GNAZ: variants seen among roughly 807,000 people sequenced by gnomAD.
GNAZ encodes the protein G protein subunit alpha z, also known as guanine nucleotide-binding protein G(z) subunit alpha.
In GNAZ, 3 loss-of-function variants were observed where a neutral mutation model predicts 25.4. That is an observed-to-expected ratio of 0.12 (90% CI 0.05 to 0.30). GNAZ has a LOEUF of 0.30. Among genes scored for constraint, GNAZ ranks in the 10% least tolerant of loss-of-function variants. The pLI is 1.00. For missense variants in GNAZ, 241 were observed against 501.8 expected (o/e 0.48, Z 4.97); for synonymous variants, 211 against 205.7 (o/e 1.03, Z -0.22).
intron 1 of GNAZ, among the ~76,000 whole-genome samples, chr22:23,075,919 G>A (rs1468707048): frequency 6.6e-6 from 1 of 152,082 alleles, no homozygotes; most frequent in Non-Finnish European, 1.5e-5. Flanking sequence ...TCCTTTGTGA[G>A]GTCTGCCCCT....
Position 23,093,526 on chromosome 22 carries a change from TGGA to T in GNAZ, c.-449-1711_-449-1709del, listed in dbSNP as rs1237335709. ...GTCACACATTAGCTGAGGGCTGCTA[TGGA>T]GGAGGAGGACAGAGGGCAAGGTGAC... On this transcript the variant is annotated intron_variant, in intron 1 of 2. Transcript: ENST00000615612. 2.0e-5 allele frequency among the ~76,000 whole-genome samples: 3 copies of T among 152,056 alleles called. No individual in the cohort carries two copies. The South Asian group carries it at 6.2e-4, about 32-fold the overall frequency.
intron 1 of GNAZ, among the ~76,000 whole-genome samples, chr22:23,080,365 C>T (rs1373029987): frequency 2.6e-5 from 4 of 151,976 alleles, no homozygotes; most frequent in African/African-American, 9.7e-5. Context: ...CTGTTCATCT[C>T]ATCTCCCCGG....
At chr22:23,122,863 AT>A (rs569845601) in intron 2 of GNAZ, among the ~76,000 whole-genome samples, 75 of 152,324 alleles carry the variant, frequency 4.9e-4, no homozygotes, top group African/African-American at 1.8e-3. Flanking sequence ...GCAAGAGAAC[AT>A]CTTCCAAGCA....
At position 23,123,622 on chromosome 22, in the gene GNAZ, T is replaced by G. The variant is rs1232537058; in HGVS notation, c.*191T>G. 2.5e-5 allele frequency: 15 copies of G among 595,296 alleles called. No homozygotes were observed. The East Asian group carries it at 4.2e-4, about 16-fold the overall frequency. The allele number at this position is 595,296 out of a possible 1,614,324, so 36.9% of individuals were successfully genotyped here. On this transcript the variant is annotated 3_prime_UTR_variant, in exon 3 of 3. Coordinates refer to ENST00000615612, the MANE Select transcript of GNAZ (RefSeq NM_002073.4). ...ATTTACGGATAGATTGCTAGGTAGATAGACACACACACATGCACACACACA... is the reference window on the plus strand; with the variant it reads ...ATTTACGGATAGATTGCTAGGTAGAGAGACACACACACATGCACACACACA...
At chr22:23,079,239 C>T (rs553904733) in intron 1 of GNAZ, among the ~76,000 whole-genome samples, 5 of 152,164 alleles carry the variant, frequency 3.3e-5, no homozygotes, top group East Asian at 1.9e-4. Context: ...TGGCTGTGTG[C>T]GAATATGGGG....
At chr22:23,104,964 G>A (rs914552740) in intron 2 of GNAZ, among the ~76,000 whole-genome samples, 1 of 152,214 alleles carries the variant, frequency 6.6e-6, no homozygotes, top group African/African-American at 2.4e-5. Flanking sequence ...TCTGCATGTG[G>A]CTCCCGTCTG....
intron 2 of GNAZ, among the ~76,000 whole-genome samples, chr22:23,117,387 C>T (rs916004974): frequency 5.3e-5 from 8 of 152,232 alleles, no homozygotes; most frequent in African/African-American, 1.9e-4. Context: ...TCCCAAAGAG[C>T]CAGGCTGACC....
intron 1 of GNAZ, among the ~76,000 whole-genome samples, chr22:23,088,176 G>T (rs189988873): frequency 2.0e-5 from 3 of 152,220 alleles, no homozygotes; most frequent in Non-Finnish European, 4.4e-5. Context: ...TGGCCTGCAG[G>T]TTCCCATACT....
At chr22:23,100,734 G>T (rs1217248261) in intron 2 of GNAZ, among the ~76,000 whole-genome samples, 1 of 152,226 alleles carries the variant, frequency 6.6e-6, no homozygotes, top group East Asian at 1.9e-4. Flanking sequence ...GAGCGGGCGG[G>T]AGGCGGTAGG....
intron 1 of GNAZ, among the ~76,000 whole-genome samples, chr22:23,093,064 G>C (rs2146307770): frequency 6.6e-6 from 1 of 152,356 alleles, no homozygotes; most frequent in African/African-American, 2.4e-5. Flanking sequence ...AGCAGCCACA[G>C]GGTCTCCATC....
chr22:23,093,967 A>C (rs1054096123), intron 1 of GNAZ, among the ~76,000 whole-genome samples: 20 of 152,160 alleles, frequency 1.3e-4, no homozygotes, highest in Admixed American at 2.0e-4. Flanking sequence ...GGGGCAAGGG[A>C]CAGTGAGGGG....
chr22:23,089,592 G>T (rs576722451), intron 1 of GNAZ, among the ~76,000 whole-genome samples: 1 of 152,274 alleles, frequency 6.6e-6, no homozygotes, highest in East Asian at 1.9e-4. Context: ...CCTGACTCAG[G>T]GCTATCACTC....
chr22:23,091,676 G>A (rs1858747), intron 1 of GNAZ, among the ~76,000 whole-genome samples: 52,063 of 151,254 alleles, frequency 0.34, 9,691 homozygotes, highest in African/African-American at 0.51. Flanking sequence ...ACACACCACA[G>A]TGGACCTGCA....
intron 2 of GNAZ, among the ~76,000 whole-genome samples, chr22:23,117,766 G>C (rs564650303): frequency 1.8e-4 from 28 of 152,358 alleles, no homozygotes; most frequent in Non-Finnish European, 3.2e-4. Flanking sequence ...CTTGTCCAAG[G>C]TGCAGCATGC....
At chr22:23,098,332 C>T (rs1289708590) in intron 2 of GNAZ, among the ~76,000 whole-genome samples, 1 of 152,246 alleles carries the variant, frequency 6.6e-6, no homozygotes, top group Admixed American at 6.5e-5. Context: ...CTGACCTAGC[C>T]CGGCACCTGC....
chr22:23,113,333 G>A (rs943646155), intron 2 of GNAZ, among the ~76,000 whole-genome samples: 1 of 152,138 alleles, frequency 6.6e-6, no homozygotes, highest in Non-Finnish European at 1.5e-5. Context: ...GGCCAGCACC[G>A]CCTCCCTGTT....
intron 2 of GNAZ, among the ~76,000 whole-genome samples, chr22:23,100,978 G>A (rs2069285844): frequency 6.6e-6 from 1 of 152,192 alleles, no homozygotes; most frequent in Admixed American, 6.5e-5. Context: ...TTAAAATGGA[G>A]TTTAAACATT....
chr22:23,089,792 G>C (rs1432086222), intron 1 of GNAZ, among the ~76,000 whole-genome samples: 1 of 152,178 alleles, frequency 6.6e-6, no homozygotes, highest in Non-Finnish European at 1.5e-5. Flanking sequence ...AGTGGGCTCA[G>C]GGCTTGGAGA....
intron 1 of GNAZ, among the ~76,000 whole-genome samples, chr22:23,083,434 T>C (rs2146279614): frequency 6.6e-6 from 1 of 152,260 alleles, no homozygotes; most frequent in East Asian, 1.9e-4. Context: ...TTTTAGGTAA[T>C]GCTCTCAAAA....
Sources: gnomAD v4.1 joint callset for allele counts (sites outside exome capture counted in the v4.1 genomes callset) on GRCh38, gnomAD v4.1.1 for gene constraint, MANE v1.5 for transcripts, NCBI Gene and HGNC (gene_info 2026-07-23, HGNC 2026-07-21) for gene names.